The following PALLD variants were observed in gnomAD, a reference collection of about 807,000 sequenced individuals.
The protein encoded by PALLD is palladin, cytoskeletal associated protein.
In PALLD, 61 loss-of-function variants were observed where a neutral mutation model predicts 123.5. That is an observed-to-expected ratio of 0.49 (90% CI 0.40 to 0.61). The LOEUF is 0.61. Among genes scored for constraint, PALLD ranks in the 20% least tolerant of loss-of-function variants. The probability of loss-of-function intolerance (pLI) is 0.00; values close to 1 mark genes in which losing one functional copy is unlikely to be tolerated. For synonymous variants in PALLD, 465 were observed against 496.4 expected, an observed-to-expected ratio of 0.94 and a Z score of 0.84; for missense variants, 1,273 against 1,377.0, an observed-to-expected ratio of 0.92 and a Z score of 1.20.
intron 10 of PALLD, among the ~76,000 whole-genome samples, chr4:168,803,824 G>A (rs565771287): frequency 6.6e-6 from 1 of 152,336 alleles, no homozygotes; most frequent in Admixed American, 6.5e-5. Context: ...TGTTGTCTTT[G>A]GCATGGGAGA....
chr4:168,808,796 C>T (rs1365684385), intron 10 of PALLD, among the ~76,000 whole-genome samples: 1 of 152,182 alleles, frequency 6.6e-6, no homozygotes, highest in Admixed American at 6.5e-5. Flanking sequence ...GACTTATTCA[C>T]TACTACAATA....
At chr4:168,617,731 CA>C (rs1774365865) in intron 2 of PALLD, among the ~76,000 whole-genome samples, 1 of 152,144 alleles carries the variant, frequency 6.6e-6, no homozygotes, top group Non-Finnish European at 1.5e-5. Flanking sequence ...ACCAACCATA[CA>C]AGACTTACTA....
intron 2 of PALLD, among the ~76,000 whole-genome samples, chr4:168,549,702 C>A (rs1022082186): frequency 1.6e-4 from 24 of 151,502 alleles, no homozygotes; most frequent in African/African-American, 5.3e-4. Context: ...AGATATCCAT[C>A]AAAGGGCTAT....
intron 2 of PALLD, among the ~76,000 whole-genome samples, chr4:168,561,947 T>G (rs754722889): frequency 3.3e-5 from 5 of 152,204 alleles, no homozygotes; most frequent in Non-Finnish European, 7.3e-5. Flanking sequence ...AATATTTAAA[T>G]TACATGTATT....
At chr4:168,626,568 G>C (rs1002620855) in intron 2 of PALLD, among the ~76,000 whole-genome samples, 12 of 151,866 alleles carry the variant, frequency 7.9e-5, no homozygotes, top group Non-Finnish European at 1.5e-5. Flanking sequence ...AAACTTAGCC[G>C]GGTATGGTGG....
intron 10 of PALLD, among the ~76,000 whole-genome samples, chr4:168,823,055 T>G (rs1742945204): frequency 6.6e-6 from 1 of 152,154 alleles, no homozygotes; most frequent in Non-Finnish European, 1.5e-5. Flanking sequence ...AAAATAGAAT[T>G]ATATTTTATA....
At chr4:168,674,979 T>C (rs552471310) in intron 3 of PALLD, among the ~76,000 whole-genome samples, 2 of 152,246 alleles carry the variant, frequency 1.3e-5, no homozygotes, top group African/African-American at 4.8e-5. Context: ...CTGTACTAGA[T>C]GGCGAGAGGG....
intron 2 of PALLD, among the ~76,000 whole-genome samples, chr4:168,552,732 G>C (rs1766864969): frequency 6.6e-6 from 1 of 152,104 alleles, no homozygotes; most frequent in Non-Finnish European, 1.5e-5. Context: ...CTGGAGTGCA[G>C]TGGCATGATC....
At chr4:168,596,466 G>A (rs1771988341) in intron 2 of PALLD, among the ~76,000 whole-genome samples, 1 of 152,052 alleles carries the variant, frequency 6.6e-6, no homozygotes, top group Non-Finnish European at 1.5e-5. Flanking sequence ...TTTCTATGTA[G>A]GGAACTCTTG....
chr4:168,857,876 T>C (rs887908491), intron 10 of PALLD, among the ~76,000 whole-genome samples: 23 of 152,216 alleles, frequency 1.5e-4, no homozygotes, highest in African/African-American at 5.3e-4. Flanking sequence ...TCCAAAAATA[T>C]ATAGAAAGCA....
chr4:168,875,740 C>T lies in PALLD; in HGVS notation c.1965-15182C>T, dbSNP rs185777156. 5.0e-3 allele frequency among the ~76,000 whole-genome samples: 758 copies of T among 152,322 alleles called. 3 individuals carry two copies. Among genetic ancestry groups the T allele is most frequent in the Non-Finnish European group, 7.9e-3 (540 of 68,030 alleles). ...CTTTAAGCCCACTTGGGTTAGCAAACATGATGGTTCTTTTTAATGCCCGAA... is the reference window on the plus strand; with the variant it reads ...CTTTAAGCCCACTTGGGTTAGCAAATATGATGGTTCTTTTTAATGCCCGAA... On this transcript the variant is annotated intron_variant, in intron 10 of 21. Transcript: ENST00000505667.
intron 11 of PALLD, among the ~76,000 whole-genome samples, chr4:168,892,737 T>C (rs940754142): frequency 6.6e-6 from 1 of 152,018 alleles, no homozygotes. Context: ...TTTTTTTTTT[T>C]CTTTTTGGCT....
At chr4:168,600,544 C>T (rs945943559) in intron 2 of PALLD, among the ~76,000 whole-genome samples, 13 of 151,952 alleles carry the variant, frequency 8.6e-5, no homozygotes, top group African/African-American at 3.1e-4. Flanking sequence ...CCATTTTTAG[C>T]TTTTAGGTGA....
chr4:168,841,975 T>C (rs1746100770), intron 10 of PALLD, among the ~76,000 whole-genome samples: 1 of 152,192 alleles, frequency 6.6e-6, no homozygotes, highest in South Asian at 2.1e-4. Flanking sequence ...ATTTACAGAG[T>C]AATCCAGCTC....
chr4:168,926,304 C>A lies in PALLD; in HGVS notation c.*124C>A. ...CAGCACTTTCGGACCAGGGACTAGA[C>A]ATCAAAGCAGCGTTCCAACCTGAGG... On this transcript the variant is annotated 3_prime_UTR_variant, in exon 22 of 22. Transcript: ENST00000505667. 1 of 1,537,266 alleles carries A rather than the reference C, an allele frequency of 6.5e-7. No individual in the cohort carries two copies. Among genetic ancestry groups the A allele is most frequent in the Non-Finnish European group, 8.7e-7 (1 of 1,146,838 alleles).
chr4:168,524,645 G>C (rs1189539967), intron 2 of PALLD, among the ~76,000 whole-genome samples: 2 of 152,138 alleles, frequency 1.3e-5, no homozygotes, highest in Admixed American at 6.5e-5. Context: ...CTCAAGATCT[G>C]TCTCAATGGA....
chr4:168,653,456 G>A (rs1461013035), intron 2 of PALLD, among the ~76,000 whole-genome samples: 1 of 152,194 alleles, frequency 6.6e-6, no homozygotes, highest in Non-Finnish European at 1.5e-5. Context: ...TGGTAAGGTA[G>A]TGGGGAAACA....
intron 10 of PALLD, among the ~76,000 whole-genome samples, chr4:168,875,093 C>G (rs920840038): frequency 3.3e-5 from 5 of 151,426 alleles, no homozygotes; most frequent in Non-Finnish European, 7.4e-5. Flanking sequence ...GAAATACATA[C>G]TATTTGGAAA....
At chr4:168,583,296 A>T (rs899860729) in intron 2 of PALLD, among the ~76,000 whole-genome samples, 1 of 152,180 alleles carries the variant, frequency 6.6e-6, no homozygotes, top group African/African-American at 2.4e-5. Context: ...ATCCTTTATA[A>T]TTATCTAAAA....
Sources: gnomAD v4.1 joint callset for allele counts (sites outside exome capture counted in the v4.1 genomes callset) on GRCh38, gnomAD v4.1.1 for gene constraint, MANE v1.5 for transcripts, NCBI Gene and HGNC (gene_info 2026-07-23, HGNC 2026-07-21) for gene names.